The following PHACTR1 variants were observed in gnomAD, a reference collection of about 807,000 sequenced individuals.
PHACTR1 encodes the protein RPEL repeat containing 1.
In PHACTR1, 16 loss-of-function variants were observed where a neutral mutation model predicts 69.2. That is an observed-to-expected ratio of 0.23 (90% CI 0.16 to 0.35). The LOEUF (loss-of-function observed/expected upper bound fraction) is 0.35. Among genes scored for constraint, PHACTR1 ranks in the 10% least tolerant of loss-of-function variants. The pLI is 1.00. For missense variants in PHACTR1, 510 were observed against 734.7 expected (o/e 0.69, Z 3.54); for synonymous variants, 312 against 284.5 (o/e 1.10, Z -0.97).
intron 5 of PHACTR1, among the ~76,000 whole-genome samples, chr6:13,091,880 C>T (rs943160868): frequency 6.6e-6 from 1 of 152,190 alleles, no homozygotes; most frequent in Non-Finnish European, 1.5e-5. Flanking sequence ...TCACTGCAAC[C>T]TCTGCCTCCT....
chr6:13,223,566 C>T, intron 8 of PHACTR1, among the ~76,000 whole-genome samples: 1 of 152,132 alleles, frequency 6.6e-6, no homozygotes, highest in East Asian at 1.9e-4. Context: ...TCCATCTTGC[C>T]TGGGTACATT....
chr6:13,179,858 C>A lies in PHACTR1; in HGVS notation c.497-2661C>A, dbSNP rs1561949771. On this transcript the variant is annotated intron_variant, in intron 6 of 14. Transcript: ENST00000332995. This position sits in a 1 kb window ranked among gnomAD's most constrained non-coding sequence, Gnocchi z 4.2. ...TAAATTGGAAAATCCTTTAATAAAA[C>A]AATTTCACAGGATCCATGTATGTGT... Among the ~76,000 whole-genome samples the A allele has an allele frequency of 6.6e-6, 1 of 152,152 alleles. No homozygotes were observed. The highest frequency in any genetic ancestry group is 1.5e-5 in the Non-Finnish European group (1 of 68,034).
chr6:13,185,612 A>G (rs1340721987), intron 7 of PHACTR1, among the ~76,000 whole-genome samples: 1 of 152,238 alleles, frequency 6.6e-6, no homozygotes. Context: ...CACAGGCATT[A>G]AATTGAGCAC....
intron 4 of PHACTR1, among the ~76,000 whole-genome samples, chr6:12,813,858 C>T (rs1775292971): frequency 6.6e-6 from 1 of 152,222 alleles, no homozygotes; most frequent in Non-Finnish European, 1.5e-5. Flanking sequence ...GCATCAGCAT[C>T]CTTGCGGAGC....
At chr6:12,980,346 G>A (rs1168133914) in intron 4 of PHACTR1, among the ~76,000 whole-genome samples, 1 of 152,118 alleles carries the variant, frequency 6.6e-6, no homozygotes, top group African/African-American at 2.4e-5. Flanking sequence ...TAGCCTTAAA[G>A]TGACCAGGAT....
intron 4 of PHACTR1, among the ~76,000 whole-genome samples, chr6:13,003,782 A>G (rs551594201): frequency 9.3e-5 from 14 of 151,042 alleles, no homozygotes; most frequent in African/African-American, 2.9e-4. Context: ...TCCACTCTCT[A>G]TGTCCATGTC....
intron 4 of PHACTR1, among the ~76,000 whole-genome samples, chr6:12,793,716 C>G (rs746940751): frequency 1.2e-4 from 19 of 152,296 alleles, no homozygotes; most frequent in Non-Finnish European, 1.6e-4. Context: ...CCATAACACT[C>G]TGTTTTCCAA....
At chr6:12,941,129 A>G (rs1790014084) in intron 4 of PHACTR1, among the ~76,000 whole-genome samples, 1 of 151,946 alleles carries the variant, frequency 6.6e-6, no homozygotes, top group Admixed American at 6.6e-5. Flanking sequence ...GGTCAAGGGC[A>G]CTCCACTCAC....
intron 8 of PHACTR1, among the ~76,000 whole-genome samples, chr6:13,218,169 T>C (rs1199995045): frequency 1.3e-5 from 2 of 152,192 alleles, no homozygotes; most frequent in African/African-American, 4.8e-5. Context: ...GTGAAATGGA[T>C]CCCACCTATT....
intron 6 of PHACTR1, among the ~76,000 whole-genome samples, chr6:13,177,441 A>ATATGTG (rs1182528112): frequency 7.1e-6 from 1 of 141,828 alleles, no homozygotes; most frequent in African/African-American, 2.8e-5. Context: ...ATGTGTATAT[A>ATATGTG]TGTGTGTGTG....
chr6:13,135,542 A>G (rs113243513), intron 5 of PHACTR1, among the ~76,000 whole-genome samples: 1,884 of 152,350 alleles, frequency 0.012, 34 homozygotes, highest in African/African-American at 0.041. Flanking sequence ...TCATCTGGAT[A>G]CATTTGCAAG....
intron 3 of PHACTR1, among the ~76,000 whole-genome samples, chr6:12,737,205 C>T (rs1311801377): frequency 6.6e-6 from 1 of 152,110 alleles, no homozygotes; most frequent in Admixed American, 6.6e-5. Flanking sequence ...AGGCTACTAA[C>T]TTGCACAGCA....
rs141793212 is a variant in PHACTR1, at chr6:12,998,129, G to A, written c.251-55236G>A. On this transcript the variant is annotated intron_variant, in intron 4 of 14. Transcript: ENST00000332995. Reference sequence around the variant, plus strand: ...AATCAGTATAGGAAAAATCAACTGCGCAATATGCAGTACTCAGGAAAAAAA... The same window carrying A: ...AATCAGTATAGGAAAAATCAACTGCACAATATGCAGTACTCAGGAAAAAAA... Among the ~76,000 whole-genome samples the A allele has an allele frequency of 4.4e-3, 668 of 152,102 alleles. 3 individuals are homozygous for A. The highest frequency in any genetic ancestry group is 0.015 in the African/African-American group (604 of 41,484).
rs141353629 is a variant in PHACTR1 at position 13,165,352 on chromosome 6, T to C, written c.496+5068T>C. ...TGACCTATTTGCTTAAATTTGAACT[T>C]AATTTAAACAAACTAAACAAAGTTT... On this transcript the variant is annotated intron_variant, in intron 6 of 14. Coordinates refer to ENST00000332995, the MANE Select transcript of PHACTR1 (RefSeq NM_030948.6). Among the ~76,000 whole-genome samples the C allele has an allele frequency of 4.7e-3, 716 of 152,320 alleles. 3 individuals carry two copies. Among genetic ancestry groups the C allele is most frequent in the African/African-American group, 0.017 (689 of 41,562 alleles).
chr6:12,719,529 T>C (rs1425660601), intron 3 of PHACTR1, among the ~76,000 whole-genome samples: 1 of 152,172 alleles, frequency 6.6e-6, no homozygotes, highest in Non-Finnish European at 1.5e-5. Context: ...TCACATATTT[T>C]CTGTTTTCCA....
chr6:13,059,205 A>G (rs1239059427), intron 5 of PHACTR1, among the ~76,000 whole-genome samples: 10 of 152,120 alleles, frequency 6.6e-5, no homozygotes, highest in African/African-American at 2.4e-4. Flanking sequence ...CACCCTGCCA[A>G]GTGAAACATA....
chr6:13,228,516 A>C (rs1227702835), intron 9 of PHACTR1, among the ~76,000 whole-genome samples: 1 of 152,256 alleles, frequency 6.6e-6, no homozygotes, highest in Non-Finnish European at 1.5e-5. Context: ...ATGACCTTTA[A>C]ATGTGCTAAG....
At chr6:13,041,333 A>AATAC (rs199629142) in intron 4 of PHACTR1, among the ~76,000 whole-genome samples, 24 of 69,032 alleles carry the variant, frequency 3.5e-4, no homozygotes, top group African/African-American at 9.7e-4. Context: ...TGGTAATTAA[A>AATAC]ATACATACAC....
At chr6:13,026,215 A>G (rs1801672632) in intron 4 of PHACTR1, among the ~76,000 whole-genome samples, 2 of 152,210 alleles carry the variant, frequency 1.3e-5, no homozygotes, top group Admixed American at 1.3e-4. Flanking sequence ...CAGAAATCTA[A>G]GAGTGCAATT....
Sources: gnomAD v4.1 joint callset for allele counts (sites outside exome capture counted in the v4.1 genomes callset) on GRCh38, gnomAD v4.1.1 for gene constraint, Gnocchi (gnomAD v3.1) non-coding constraint, MANE v1.5 for transcripts, NCBI Gene and HGNC (gene_info 2026-07-23, HGNC 2026-07-21) for gene names.